GAREM1: variants seen among roughly 807,000 people sequenced by gnomAD.
The protein encoded by GAREM1 is GRB2-associated and regulator of MAPK protein 1.
A neutral mutation model predicts 71.3 loss-of-function variants in GAREM1; 26 were observed. That is an observed-to-expected ratio of 0.36 (90% CI 0.27 to 0.51). The LOEUF (loss-of-function observed/expected upper bound fraction) is 0.51. Ranked by LOEUF, GAREM1 falls within the 20% of genes least tolerant of loss-of-function variation. The pLI is 0.95. For synonymous variants in GAREM1, 440 were observed against 433.2 expected (o/e 1.02, Z -0.20); for missense variants, 1,026 against 1,103.1 (o/e 0.93, Z 0.99).
intron 2 of GAREM1, among the ~76,000 whole-genome samples, chr18:32,376,419 T>A (rs1464664506): frequency 1.3e-5 from 2 of 152,252 alleles, no homozygotes; most frequent in Admixed American, 6.5e-5. Context: ...ATATTAGTTA[T>A]AATCTTTTGT....
chr18:32,308,917 T>C (rs1189565653), intron 3 of GAREM1, among the ~76,000 whole-genome samples: 3 of 150,282 alleles, frequency 2.0e-5, no homozygotes, highest in Admixed American at 6.6e-5. Context: ...AATAAGGGGC[T>C]GTCCTAGGCA....
intron 2 of GAREM1, among the ~76,000 whole-genome samples, chr18:32,376,635 C>T (rs1011061629): frequency 1.3e-5 from 2 of 151,882 alleles, no homozygotes; most frequent in East Asian, 3.9e-4. Flanking sequence ...GTCAGAAGTT[C>T]GAGACCAGCC....
intron 1 of GAREM1, among the ~76,000 whole-genome samples, chr18:32,449,944 T>G (rs1283602849): frequency 6.6e-6 from 1 of 152,008 alleles, no homozygotes; most frequent in Non-Finnish European, 1.5e-5. Context: ...CTATGGACAT[T>G]GGGCAGGCAA....
At chr18:32,327,684 G>A (rs551138277) in intron 2 of GAREM1, among the ~76,000 whole-genome samples, 11 of 152,294 alleles carry the variant, frequency 7.2e-5, no homozygotes, top group African/African-American at 1.9e-4. Flanking sequence ...AATGCACAAC[G>A]TGGTGTTCAA....
intron 2 of GAREM1, among the ~76,000 whole-genome samples, chr18:32,374,256 C>T (rs2048012609): frequency 6.6e-6 from 1 of 152,226 alleles, no homozygotes; most frequent in Admixed American, 6.5e-5. Context: ...AGCCAGCTTT[C>T]TACATTGCGT....
chr18:32,439,580 G>T (rs768885542), intron 1 of GAREM1, among the ~76,000 whole-genome samples: 20 of 151,696 alleles, frequency 1.3e-4, no homozygotes, highest in Non-Finnish European at 2.6e-4. Flanking sequence ...GTCATTTCTA[G>T]ACCAAAGATA....
At chr18:32,422,623 G>A (rs1000960418) in intron 1 of GAREM1, among the ~76,000 whole-genome samples, 2 of 152,148 alleles carry the variant, frequency 1.3e-5, no homozygotes, top group Admixed American at 6.5e-5. Context: ...ATTTATTACA[G>A]AATAGAATTT....
At chr18:32,445,274 A>G (rs1475168704) in intron 1 of GAREM1, among the ~76,000 whole-genome samples, 1 of 152,152 alleles carries the variant, frequency 6.6e-6, no homozygotes, top group Non-Finnish European at 1.5e-5. Context: ...AAAAGGGTAA[A>G]TTACAGAATT....
chr18:32,294,638 C>A (rs1260872701), intron 3 of GAREM1, among the ~76,000 whole-genome samples: 1 of 152,156 alleles, frequency 6.6e-6, no homozygotes, highest in African/African-American at 2.4e-5. Flanking sequence ...GTATTTAATT[C>A]TGCCTTCATT....
intron 4 of GAREM1, among the ~76,000 whole-genome samples, chr18:32,281,931 G>A (rs1230044323): frequency 2.0e-5 from 3 of 151,868 alleles, no homozygotes; most frequent in African/African-American, 7.3e-5. Flanking sequence ...AGTGTAAATG[G>A]CCGGTCCTTG....
chr18:32,453,597 C>A (rs1257087732), intron 1 of GAREM1, among the ~76,000 whole-genome samples: 1 of 152,162 alleles, frequency 6.6e-6, no homozygotes, highest in Non-Finnish European at 1.5e-5. Flanking sequence ...TGTCTCAAAT[C>A]TCTGTTTGTC....
At chr18:32,424,431 G>A (rs1369140877) in intron 1 of GAREM1, among the ~76,000 whole-genome samples, 1 of 152,126 alleles carries the variant, frequency 6.6e-6, no homozygotes, top group Non-Finnish European at 1.5e-5. Context: ...AGTAAGATAA[G>A]ATATTAGGAT....
At position 32,363,903 on chromosome 18, in the gene GAREM1, T is replaced by TACACACACACAC. The variant is rs151234771; in HGVS notation, c.262+28980_262+28991dup. Among the ~76,000 whole-genome samples the TACACACACACAC allele has an allele frequency of 6.9e-3, 981 of 142,864 alleles. 7 individuals carry two copies. The highest frequency in any genetic ancestry group is 8.3e-3 in the Non-Finnish European group (547 of 66,166). 93.7% of individuals were successfully genotyped at this position (142,864 alleles called of 152,430 possible). A position where few individuals can be genotyped will look rare whatever the true frequency, so the allele number is the denominator to read the frequency against. ...TTTCATCATATTTTGGTCAAGGTTA[T>TACACACACACAC]ACACACACACACACATAAAAAAATA... On this transcript the variant is annotated intron_variant, in intron 2 of 5. Coordinates refer to ENST00000269209, the MANE Select transcript of GAREM1 (RefSeq NM_001242409.2).
At chr18:32,445,708 C>A (rs779599386) in intron 1 of GAREM1, among the ~76,000 whole-genome samples, 6 of 152,114 alleles carry the variant, frequency 3.9e-5, no homozygotes, top group African/African-American at 7.2e-5. Context: ...TTTCGCAGGA[C>A]TGTAATGTTC....
chr18:32,400,223 G>C (rs2048300312), intron 1 of GAREM1, among the ~76,000 whole-genome samples: 1 of 152,270 alleles, frequency 6.6e-6, no homozygotes, highest in South Asian at 2.1e-4. Context: ...AAAAACCCTA[G>C]AAGAAAACCT....
intron 4 of GAREM1, among the ~76,000 whole-genome samples, chr18:32,274,409 T>C (rs1479380412): frequency 1.3e-5 from 2 of 152,156 alleles, no homozygotes; most frequent in East Asian, 3.9e-4. Flanking sequence ...AATCACCCTA[T>C]CTCCAGTTTT....
intron 2 of GAREM1, among the ~76,000 whole-genome samples, chr18:32,317,853 AGCCAG>A (rs2047395265): frequency 1.3e-5 from 2 of 152,200 alleles, no homozygotes; most frequent in Non-Finnish European, 2.9e-5. Context: ...AAGAGTTAAG[AGCCAG>A]TTTCCTGCCA....
At chr18:32,316,512 G>A (rs1002474858) in intron 2 of GAREM1, among the ~76,000 whole-genome samples, 1 of 152,118 alleles carries the variant, frequency 6.6e-6, no homozygotes, top group African/African-American at 2.4e-5. Flanking sequence ...GAGTGCAGTG[G>A]TACCTTCTTG....
intron 2 of GAREM1, 113 bp downstream of exon 2, chr18:32,392,782 G>T: frequency 1.8e-6 from 2 of 1,137,378 alleles, no homozygotes; most frequent in South Asian, 1.8e-5. Context: ...ACAAATGTTT[G>T]ATTCTCTAAG....
Sources: gnomAD v4.1 joint callset for allele counts (sites outside exome capture counted in the v4.1 genomes callset) on GRCh38, gnomAD v4.1.1 for gene constraint, MANE v1.5 for transcripts, NCBI Gene and HGNC (gene_info 2026-07-23, HGNC 2026-07-21) for gene names.